The following F5 variants were observed in gnomAD, a reference collection of about 807,000 sequenced individuals.
F5 encodes coagulation factor V, also known as activated protein c cofactor.
Under a neutral mutation model 216.4 loss-of-function variants are expected in F5, and 138 were observed. The observed-to-expected ratio is 0.64, with a 90% CI of 0.56 to 0.73. The LOEUF (loss-of-function observed/expected upper bound fraction) is 0.73. F5 is among the 30% of genes least tolerant of loss of function. F5 has a pLI of 0.00. For missense variants in F5, 2,403 were observed against 2,674.0 expected (o/e 0.90, Z 2.24); for synonymous variants, 916 against 930.7 (o/e 0.98, Z 0.29).
chr1:169,556,837 C>G lies in F5; in HGVS notation c.761G>C (p.Ser254Thr). ...CGAGCTCATTCCCAGCAGATGCCAG[C>G]TGATGTGGTCATGGGCACAAACTGT... ...DITVCAHDHI[S>T]WHLLGMSSGP... The change falls in exon 6 of 25, where the codon AGC (serine) becomes ACC (threonine). Residue 254 changes from serine (S) to threonine (T), a missense_variant. Ser to Thr is a moderately conservative substitution (Grantham distance 58, BLOSUM62 1). Transcript: ENST00000367797. 6.2e-7 allele frequency: 1 copy of G among 1,614,030 alleles called. No individual in the cohort carries two copies. The highest frequency in any genetic ancestry group is 1.7e-5 in the Admixed American group (1 of 60,008).
intron 24 of F5, 103 bp from the exon 25 acceptor site, chr1:169,514,562 GA>G: frequency 1.1e-6 from 1 of 939,922 alleles, no homozygotes; most frequent in South Asian, 1.4e-5. Flanking sequence ...GCCCAGGCTT[GA>G]GTCCAGTGGC....
At chr1:169,573,878 A>G (rs1660784385) in intron 2 of F5, among the ~76,000 whole-genome samples, 1 of 152,178 alleles carries the variant, frequency 6.6e-6, no homozygotes, top group Non-Finnish European at 1.5e-5. Flanking sequence ...TGGCTGAGTC[A>G]GAATTTGAGG....
chr1:169,582,446 G>T lies in F5; in HGVS notation c.235C>A (p.Gln79Lys), dbSNP rs750955397. 1.3e-6 allele frequency: 2 copies of T among 1,528,970 alleles called. No individual in the cohort carries two copies. Among genetic ancestry groups the T allele is most frequent in the South Asian group, 1.2e-5 (1 of 85,758 alleles). 94.7% of individuals were successfully genotyped at this position (1,528,970 alleles called of 1,614,324 possible). Residue 79 changes from glutamine to lysine, a missense_variant, in exon 2 of 25, where the codon CAA becomes AAA. By Grantham distance (53) the Gln-to-Lys change is moderately conservative. Around this residue, in one of 4 missense-constraint regions of F5, gnomAD observed 1,425 missense variants for 1,554.8 expected, o/e 0.92. Transcript: ENST00000367797. ...TCAGGCTTACCTGAAATGGTAGATT[G>T]TGGTTTTTCTTTCTTAAAATATGGT... ...YEPYFKKEKP[Q>K]STISGLLGPT...
chr1:169,546,619 G>A (rs1660008634), intron 10 of F5, 27 bp from the exon 11 acceptor site: 3 of 1,606,952 alleles, frequency 1.9e-6, no homozygotes, highest in Non-Finnish European at 2.6e-6. Flanking sequence ...TATAGTACTG[G>A]TACAAGAACA....
chr1:169,523,150 G>C, intron 21 of F5, 47 bp downstream of exon 21: 2 of 1,602,342 alleles, frequency 1.2e-6, no homozygotes, highest in Middle Eastern at 1.7e-4. Context: ...AATAATTCTA[G>C]GCCAAGTCTA....
At position 169,540,467 on chromosome 1, in the gene F5, A is replaced by T. The variant is rs1659807493; in HGVS notation, c.4623T>A (p.Ile1541=). 1 of 1,613,886 alleles carries T rather than the reference A, an allele frequency of 6.2e-7. No individual in the cohort carries two copies. The highest frequency in any genetic ancestry group is 8.5e-7 in the Non-Finnish European group (1 of 1,179,968). The change falls in exon 13 of 25, where the codon ATT becomes ATA. Residue 1541 remains isoleucine, a synonymous_variant. Transcript: ENST00000367797. The part of the protein sequence containing the change: ...VQSSEDDYAE[I]DYVPYDDPYK... The stretch of plus-strand genomic sequence containing the variant: ...AGGGGTCATCATAGGGCACATAATC[A>T]ATTTCAGCATAGTCATCTTCACTGC...
chr1:169,564,459 T>C (rs1297480343), intron 3 of F5, among the ~76,000 whole-genome samples: 1 of 152,072 alleles, frequency 6.6e-6, no homozygotes, highest in African/African-American at 2.4e-5. Context: ...GGAAACACTC[T>C]TCAAGCAGTA....
intron 20 of F5, among the ~76,000 whole-genome samples, chr1:169,523,576 T>C (rs1321197321): frequency 6.6e-6 from 1 of 152,206 alleles, no homozygotes; most frequent in Non-Finnish European, 1.5e-5. Context: ...GGAAGGTAGG[T>C]AGTATCTCTG....
intron 1 of F5, 33 bp from the exon 2 acceptor site, chr1:169,582,555 G>T (rs1374012026): frequency 8.3e-7 from 1 of 1,206,368 alleles, no homozygotes; most frequent in Admixed American, 1.8e-5. Context: ...AATTTGAAAG[G>T]CATATTCAAT....
chr1:169,565,301 G>A (rs1227249806), intron 3 of F5, among the ~76,000 whole-genome samples: 1 of 151,936 alleles, frequency 6.6e-6, no homozygotes, highest in East Asian at 1.9e-4. Flanking sequence ...TCTTCTACTA[G>A]ATCATAAGTA....
At chr1:169,517,530 T>A (rs1659188449) in intron 23 of F5, among the ~76,000 whole-genome samples, 1 of 152,058 alleles carries the variant, frequency 6.6e-6, no homozygotes, top group South Asian at 2.1e-4. Context: ...GGATAGAAAT[T>A]AGGGAATTTG....
intron 2 of F5, among the ~76,000 whole-genome samples, chr1:169,577,803 C>T (rs1186333638): frequency 6.6e-6 from 1 of 151,608 alleles, no homozygotes; most frequent in African/African-American, 2.4e-5. Context: ...TACTCCCTCA[C>T]CTGCCCAAAT....
rs772867185 is a variant in F5, at chr1:169,543,066, A to G, written c.2024T>C (p.Leu675Pro). 3 of 1,614,026 alleles carry G rather than the reference A, an allele frequency of 1.9e-6. No homozygotes were observed. The highest frequency in any genetic ancestry group is 2.5e-6 in the Non-Finnish European group (3 of 1,179,960). The part of the protein sequence containing the change: ...SMNSSPRSKK[L>P]RLKFRDVKCI... ...TTTAACATCCCTGAATTTCAGCCTC[A>G]GCTTTTTGCTTCTTGGACTAGAATT... The change falls in exon 13 of 25, where the codon CTG becomes CCG. Residue 675 changes from leucine to proline, a missense_variant. By Grantham distance (98) the Leu-to-Pro change is moderately conservative. Coordinates refer to ENST00000367797, the MANE Select transcript of F5 (RefSeq NM_000130.5).
At chr1:169,548,590 G>A (rs114545546) in intron 10 of F5, among the ~76,000 whole-genome samples, 3,089 of 152,138 alleles carry the variant, frequency 0.02, 95 homozygotes, top group African/African-American at 0.071. Flanking sequence ...CAAAAGAGCC[G>A]GGCACAGTGG....
rs760221124 is a variant in F5, at chr1:169,582,449, GT to G, written c.231del (p.Lys77AsnfsTer22). 6.5e-7 allele frequency: 1 copy of G among 1,536,106 alleles called. No homozygotes were observed. The highest frequency in any genetic ancestry group is 9.0e-7 in the Non-Finnish European group (1 of 1,115,820). ...REYEPYFKKE[K>X]PQSTISGLLG... ...GGCTTACCTGAAATGGTAGATTGTG[GT>G]TTTTCTTTCTTAAAATATGGTTCAT... On this transcript the variant is annotated frameshift_variant, in exon 2 of 25. Transcript: ENST00000367797. LOFTEE classifies it high-confidence loss of function.
intron 2 of F5, among the ~76,000 whole-genome samples, chr1:169,575,358 A>G (rs1571600871): frequency 6.6e-6 from 1 of 152,366 alleles, no homozygotes; most frequent in South Asian, 2.1e-4. Flanking sequence ...AGGCATCCTC[A>G]GAGTCCCATC....
intron 23 of F5, among the ~76,000 whole-genome samples, 193 bp downstream of exon 23, chr1:169,518,219 A>G (rs1263465336): frequency 6.6e-6 from 1 of 152,194 alleles, no homozygotes; most frequent in Non-Finnish European, 1.5e-5. Flanking sequence ...ATGATAAATG[A>G]CTTCTCTCTG....
chr1:169,570,954 C>T (rs1278547868), intron 3 of F5, among the ~76,000 whole-genome samples: 1 of 152,082 alleles, frequency 6.6e-6, no homozygotes, highest in Non-Finnish European at 1.5e-5. Flanking sequence ...CCAGGATTTG[C>T]ACTTATTAGT....
chr1:169,550,274 T>TCCTCCCCCC (rs1660132610), intron 9 of F5, among the ~76,000 whole-genome samples: 1 of 36,240 alleles, frequency 2.8e-5, no homozygotes. Flanking sequence ...ATGCTATCCC[T>TCCTCCCCCC]CCCCCCGCCC....
Sources: allele counts gnomAD v4.1 joint callset (sites outside exome capture counted in the v4.1 genomes callset), GRCh38; gene constraint gnomAD v4.1.1; regional missense constraint gnomAD v4.1.1; transcripts MANE v1.5; gene names NCBI Gene and HGNC (gene_info 2026-07-23, HGNC 2026-07-21).